Variants in ATP10A observed in about 807,000 individuals in gnomAD.
ATP10A encodes the protein ATPase phospholipid transporting 10A (putative), also known as phospholipid-transporting ATPase VA.
ATP10A carries 111 observed loss-of-function variants against 147.8 expected under a neutral mutation model. The observed-to-expected ratio is 0.75, with a 90% CI of 0.64 to 0.88. The LOEUF is 0.88. Among genes scored for constraint, ATP10A ranks in the 40% least tolerant of loss-of-function variants. ATP10A has a pLI of 0.00. For synonymous variants in ATP10A, 875 were observed against 841.6 expected (o/e 1.04, Z -0.69); for missense variants, 1,927 against 1,959.0 (o/e 0.98, Z 0.31).
At position 25,862,689 on chromosome 15, in the gene ATP10A, G is replaced by C. The variant is rs771164183; in HGVS notation, c.408C>G (p.Ser136=). 6 of 1,604,128 alleles carry C rather than the reference G, an allele frequency of 3.7e-6. No individual in the cohort carries two copies. The highest frequency in any genetic ancestry group is 1.7e-4 in the Middle Eastern group (1 of 6,026). ...AGCCCAGGTGGTTGATCTTGTGGTC[G>C]GAGCGGTGGCGGCTGTAGTCCTCCC... ...DLWEDYSRHR[S]DHKINHLGCL... The change falls in exon 1 of 21, where the codon TCC becomes TCG. Residue 136 remains serine, a synonymous_variant. Transcript: ENST00000555815.
intron 2 of ATP10A, among the ~76,000 whole-genome samples, chr15:25,769,805 T>G (rs1889241551): frequency 6.6e-6 from 1 of 152,146 alleles, no homozygotes. Context: ...TTCCCCAGAT[T>G]CATGCGTTCA....
chr15:25,785,999 A>G (rs1415531658), intron 1 of ATP10A, among the ~76,000 whole-genome samples: 1 of 152,214 alleles, frequency 6.6e-6, no homozygotes, highest in Non-Finnish European at 1.5e-5. Context: ...AGACAGAAAT[A>G]TTTGGGGGTC....
intron 1 of ATP10A, among the ~76,000 whole-genome samples, chr15:25,831,216 G>C (rs1402619457): frequency 6.6e-6 from 1 of 152,102 alleles, no homozygotes; most frequent in Non-Finnish European, 1.5e-5. Context: ...AGCTGTGTGT[G>C]GCTCGGGGGC....
At chr15:25,698,108 A>G (rs1900451245) in intron 13 of ATP10A, among the ~76,000 whole-genome samples, 1 of 152,202 alleles carries the variant, frequency 6.6e-6, no homozygotes, top group South Asian at 2.1e-4. Flanking sequence ...CAAAAAAAGG[A>G]CACTAGGTAA....
chr15:25,792,775 C>T (rs12442344), intron 1 of ATP10A, among the ~76,000 whole-genome samples: 77,348 of 151,536 alleles, frequency 0.51, 20,111 homozygotes, highest in South Asian at 0.65. Context: ...TCTCCCCTGC[C>T]AGGGCAGGGC....
chr15:25,845,888 C>A (rs1377098593), intron 1 of ATP10A, among the ~76,000 whole-genome samples: 3 of 152,184 alleles, frequency 2.0e-5, no homozygotes, highest in Admixed American at 6.5e-5. Context: ...TTACAACAGC[C>A]AAAAGGTGGA....
chr15:25,789,565 A>AGTGTGTGTGTGTGTGTGTGTGTGTGTGT (rs59744412), intron 1 of ATP10A, among the ~76,000 whole-genome samples: 6 of 141,442 alleles, frequency 4.2e-5, no homozygotes, highest in African/African-American at 1.0e-4. Flanking sequence ...CCAATAAAGA[A>AGTGTGTGTGTGTGTGTGTGTGTGTGTGT]GTGTGTGTGT....
At chr15:25,807,447 G>A (rs1019292561) in intron 1 of ATP10A, among the ~76,000 whole-genome samples, 5 of 152,242 alleles carry the variant, frequency 3.3e-5, no homozygotes, top group Non-Finnish European at 7.3e-5. Flanking sequence ...GACGACAGCT[G>A]AACACTCCCT....
At chr15:25,768,377 T>C (rs1221427186) in intron 2 of ATP10A, among the ~76,000 whole-genome samples, 1 of 152,110 alleles carries the variant, frequency 6.6e-6, no homozygotes, top group African/African-American at 2.4e-5. Flanking sequence ...TGCTTCCTGA[T>C]TCCTTCTACT....
Position 25,680,876 on chromosome 15 carries a change from C to A in ATP10A, c.3612G>T (p.Gly1204=). ...GCAGCGCGATTGTCACAATAGGGGT[C>A]CCCCAGGTAAACAGGTCCACGTTCG... ...YDSNVDLFTW[G]TPIVTIALLT... Residue 1204 remains glycine, a synonymous_variant, in exon 19 of 21, where the codon GGG becomes GGT. Coordinates refer to ENST00000555815, the MANE Select transcript of ATP10A (RefSeq NM_024490.4). 6.2e-7 allele frequency: 1 copy of A among 1,614,110 alleles called. No individual in the cohort carries two copies. The highest frequency in any genetic ancestry group is 8.5e-7 in the Non-Finnish European group (1 of 1,180,032).
chr15:25,713,968 C>A lies in ATP10A; in HGVS notation c.2050G>T (p.Glu684Ter). Residue 684 changes from glutamate (E) to a stop codon, truncating the protein, a stop_gained, in exon 10 of 21, where the codon GAG (glutamate) becomes TAG (stop). Coordinates refer to ENST00000555815, the MANE Select transcript of ATP10A (RefSeq NM_024490.4). LOFTEE classifies it high-confidence loss of function. ...ADNWASELAQ[E>*]QESERELRYE... is the part of the protein sequence containing the mutation. ...CGCAGCTCGCGCTCTGACTCCTGCT[C>A]CTGAGCAAGCTCCGAGGCCCAGTTG... is the stretch of plus-strand genomic sequence containing the variant. 6.2e-7 allele frequency: 1 copy of A among 1,610,040 alleles called. No homozygotes were observed. Among genetic ancestry groups the A allele is most frequent in the Non-Finnish European group, 8.5e-7 (1 of 1,179,970 alleles).
At chr15:25,712,175 T>A (rs538247079) in intron 10 of ATP10A, among the ~76,000 whole-genome samples, 2 of 152,192 alleles carry the variant, frequency 1.3e-5, no homozygotes, top group African/African-American at 4.8e-5. Context: ...GGTAATTTTT[T>A]GGGGGGGACG....
At chr15:25,777,988 C>A (rs1889703961) in intron 2 of ATP10A, among the ~76,000 whole-genome samples, 1 of 151,736 alleles carries the variant, frequency 6.6e-6, no homozygotes, top group Admixed American at 6.6e-5. Flanking sequence ...AGATATAATT[C>A]ACATATCATT....
In ATP10A at chr15:25,679,868, A is replaced by G. The variant is rs1174140825; in HGVS notation, c.3973T>C (p.Phe1325Leu). ...PRRCSAPKET[F>L]AQGRLPKDSG... is the part of the protein sequence containing the mutation. The stretch of plus-strand genomic sequence containing the variant: ...TCCTTCGGGAGGCGTCCCTGAGCAA[A>G]GGTCTCTTTGGGAGCACTGCATCTC... The change falls in exon 21 of 21, where the codon TTT becomes CTT. Residue 1325 changes from phenylalanine to leucine, a missense_variant. Transcript: ENST00000555815. The G allele has an allele frequency of 6.2e-7, 1 of 1,610,354 alleles. No homozygotes were observed. Among genetic ancestry groups the G allele is most frequent in the Non-Finnish European group, 8.5e-7 (1 of 1,179,958 alleles).
At chr15:25,816,622 G>A (rs1320391449) in intron 1 of ATP10A, among the ~76,000 whole-genome samples, 1 of 152,204 alleles carries the variant, frequency 6.6e-6, no homozygotes, top group African/African-American at 2.4e-5. Flanking sequence ...TCCACCATGC[G>A]AAAGATTTGT....
At position 25,730,301 on chromosome 15, in the gene ATP10A, C is replaced by CAAAAA. The variant is rs763070472; in HGVS notation, c.741-3040_741-3036dup. On this transcript the variant is annotated intron_variant, in intron 3 of 20. Coordinates refer to ENST00000555815, the MANE Select transcript of ATP10A (RefSeq NM_024490.4). Reference sequence around the variant, plus strand: ...TGGGCAACAGAGTGAGACTCTGTCTCAAAAAAAAAAAAAAAAAAAAAAAAA... The same window carrying CAAAAA: ...TGGGCAACAGAGTGAGACTCTGTCTCAAAAAAAAAAAAAAAAAAAAAAAAAAAAAA... 7.6e-3 allele frequency among the ~76,000 whole-genome samples: 69 copies of CAAAAA among 9,116 alleles called. 1 individual carries two copies. The highest frequency in any genetic ancestry group is 0.014 in the African/African-American group (67 of 4,716). 6.0% of individuals were successfully genotyped at this position (9,116 alleles called of 152,430 possible). A position where few individuals can be genotyped will look rare whatever the true frequency, so the allele number is the denominator to read the frequency against.
In ATP10A at chr15:25,852,416, T is replaced by A. The variant is rs533994803; in HGVS notation, c.449+10232A>T. 3.9e-5 allele frequency among the ~76,000 whole-genome samples: 6 copies of A among 152,300 alleles called. No homozygotes were observed. The East Asian group carries it at 1.2e-3, about 29-fold the overall frequency. ...AACTGCTGGCAAGGGTCTGACCTCATTGAGGGTGTTGGGGCTCAGGAACCA... is the reference window on the plus strand; with the variant it reads ...AACTGCTGGCAAGGGTCTGACCTCAATGAGGGTGTTGGGGCTCAGGAACCA... On this transcript the variant is annotated intron_variant, in intron 1 of 20. Coordinates refer to ENST00000555815, the MANE Select transcript of ATP10A (RefSeq NM_024490.4).
chr15:25,789,957 C>A (rs1318575616), intron 1 of ATP10A, among the ~76,000 whole-genome samples: 1 of 152,178 alleles, frequency 6.6e-6, no homozygotes, highest in African/African-American at 2.4e-5. Flanking sequence ...TGCTTTAAAA[C>A]ACCCAGGACA....
chr15:25,857,209 C>G (rs975846860), intron 1 of ATP10A, among the ~76,000 whole-genome samples: 1 of 152,228 alleles, frequency 6.6e-6, no homozygotes, highest in East Asian at 1.9e-4. Context: ...TTTGGGAGGT[C>G]AAGGAAGGAA....
Sources: gnomAD v4.1 joint callset for allele counts (sites outside exome capture counted in the v4.1 genomes callset) on GRCh38, gnomAD v4.1.1 for gene constraint, MANE v1.5 for transcripts, NCBI Gene and HGNC (gene_info 2026-07-23, HGNC 2026-07-21) for gene names.